Variants in PSD4 observed in about 807,000 individuals in gnomAD.
PSD4 encodes PH and SEC7 domain-containing protein 4.
In PSD4, 59 loss-of-function variants were observed where a neutral mutation model predicts 112.5. That is an observed-to-expected ratio of 0.52 (90% CI 0.43 to 0.65). The LOEUF is 0.65. PSD4 is among the 30% of genes least tolerant of loss of function. PSD4 has a pLI of 0.00. For missense variants in PSD4, 1,267 were observed against 1,352.6 expected (o/e 0.94, Z 0.99); for synonymous variants, 533 against 540.0 (o/e 0.99, Z 0.18).
chr2:113,207,454 CTTTTTTTTTT>C lies in PSD4; in HGVS notation c.*6050_*6059del, dbSNP rs397985506. On this transcript the variant is annotated 3_prime_UTR_variant, in exon 17 of 17. Transcript: ENST00000245796. ...TAACTCTCCTCTCCTCTCTCCTCTTCTTTTTTTTTTTTTTTTTTTTGAGATGGAGTCTTGC... is the reference window on the plus strand; with the variant it reads ...TAACTCTCCTCTCCTCTCTCCTCTTCTTTTTTTTTTGAGATGGAGTCTTGC... 2 of 95,514 alleles carry C rather than the reference CTTTTTTTTTT, an allele frequency of 2.1e-5. No homozygotes were observed. Among genetic ancestry groups the C allele is most frequent in the Admixed American group, 2.9e-4 (2 of 6,804 alleles). The allele number at this position is 95,514 out of a possible 1,614,324, so 5.9% of individuals were successfully genotyped here.
At chr2:113,197,497 G>C (rs902695) in intron 12 of PSD4, 67 bp from the exon 13 acceptor site, 4 of 1,566,622 alleles carry the variant, frequency 2.6e-6, no homozygotes, top group Non-Finnish European at 3.5e-6. Flanking sequence ...GCACACTTGC[G>C]TGTGTCTGAG....
rs746463673 is a variant in PSD4 at position 113,182,618 on chromosome 2, C to A, written c.162C>A (p.Asp54Glu). Residue 54 changes from aspartate to glutamate, a missense_variant, in exon 2 of 17, where the codon GAC becomes GAA. By Grantham distance (45) the Asp-to-Glu change is conservative. Transcript: ENST00000245796. ...EPFEEQTWAT[D>E]PPEPTRQNVP... The stretch of plus-strand genomic sequence containing the variant: ...TCGAGGAGCAAACCTGGGCCACTGA[C>A]CCTCCTGAACCTACCAGACAAAATG... 6.2e-7 allele frequency: 1 copy of A among 1,613,982 alleles called. No individual in the cohort carries two copies. The highest frequency in any genetic ancestry group is 1.1e-5 in the South Asian group (1 of 91,054).
At position 113,186,046 on chromosome 2, in the gene PSD4, A is replaced by C; in HGVS notation, c.1419A>C (p.Gln473His). Residue 473 changes from glutamine (Q) to histidine (H), a missense_variant, in exon 5 of 17, where the codon CAA (glutamine) becomes CAC (histidine). Physicochemically the swap from Gln to His is conservative, Grantham distance 24. Around this residue, in one of 2 missense-constraint regions of PSD4, gnomAD observed 723 missense variants for 704.0 expected, o/e 1.03. Transcript: ENST00000245796. Reference sequence around the variant, plus strand: ...CCCAGGAGGGCAGCCCGCAGCTTCAACACCACAGCTCAGGCATTTTGCCCA... The same window carrying C: ...CCCAGGAGGGCAGCCCGCAGCTTCACCACCACAGCTCAGGCATTTTGCCCA... ...ASSQEGSPQL[Q>H]HHSSGILPKW... The C allele has an allele frequency of 6.2e-7, 1 of 1,614,244 alleles. No homozygotes were observed. Among genetic ancestry groups the C allele is most frequent in the South Asian group, 1.1e-5 (1 of 91,090 alleles).
In PSD4 at chr2:113,183,455, C is replaced by T; in HGVS notation, c.999C>T (p.Ala333=). ...PIYKPHSICW[A]SVAAAEGAPA... ...ATAAACCACACTCCATCTGCTGGGC[C>T]TCAGTGGCTGCCGCTGAGGGGGCTC... The change falls in exon 2 of 17, where the codon GCC becomes GCT. Residue 333 remains alanine (A), a synonymous_variant. Coordinates refer to ENST00000245796, the MANE Select transcript of PSD4 (RefSeq NM_012455.3). The T allele has an allele frequency of 1.9e-6, 3 of 1,591,116 alleles. No individual in the cohort carries two copies. The highest frequency in any genetic ancestry group is 4.5e-5 in the East Asian group (2 of 44,760).
Position 113,203,274 on chromosome 2 carries a change from G to T in PSD4, c.*1859G>T, listed in dbSNP as rs1421367801. On this transcript the variant is annotated 3_prime_UTR_variant, in exon 17 of 17. Coordinates refer to ENST00000245796, the MANE Select transcript of PSD4 (RefSeq NM_012455.3). ...GGTTTCCTGCTCTCAGTTTACAGAG[G>T]CACTTTTATCTTGCTGGGGAAGTGT... The T allele has an allele frequency of 6.6e-6, 1 of 152,208 alleles. No individual in the cohort carries two copies. Among genetic ancestry groups the T allele is most frequent in the Non-Finnish European group, 1.5e-5 (1 of 68,032 alleles). The allele number at this position is 152,208 out of a possible 1,614,324, so 9.4% of individuals were successfully genotyped here.
At chr2:113,175,723 T>C (rs1687956641) in intron 1 of PSD4, among the ~76,000 whole-genome samples, 1 of 152,198 alleles carries the variant, frequency 6.6e-6, no homozygotes, top group African/African-American at 2.4e-5. Context: ...ACCCTCCGGA[T>C]GAAGGTTCAG....
intron 5 of PSD4, among the ~76,000 whole-genome samples, chr2:113,188,325 C>A (rs12614146): frequency 0.019 from 2,826 of 151,924 alleles, 92 homozygotes; most frequent in African/African-American, 0.064. Context: ...CTCACTGCAA[C>A]CTCTGCCTCC....
At chr2:113,193,702 C>A (rs776861195) in intron 9 of PSD4, 52 bp downstream of exon 9, 2 of 1,584,416 alleles carry the variant, frequency 1.3e-6, no homozygotes, top group Non-Finnish European at 1.7e-6. Context: ...ACAAGGGGTG[C>A]GGGGAGGAGA....
chr2:113,197,502 T>C (rs1688644747), intron 12 of PSD4, 62 bp from the exon 13 acceptor site: 2 of 1,585,736 alleles, frequency 1.3e-6, no homozygotes, highest in Admixed American at 1.7e-5. Flanking sequence ...CTTGCGTGTG[T>C]CTGAGTGTGT....
intron 15 of PSD4, 46 bp downstream of exon 15, chr2:113,198,930 G>A: frequency 6.5e-7 from 1 of 1,540,194 alleles, no homozygotes; most frequent in Non-Finnish European, 8.7e-7. Context: ...CTGGGAATGT[G>A]CACCTGGAGC....
intron 1 of PSD4, among the ~76,000 whole-genome samples, chr2:113,178,133 G>A (rs1417540922): frequency 4.6e-5 from 7 of 152,084 alleles, no homozygotes; most frequent in Non-Finnish European, 8.8e-5. Context: ...CAGGAGAATC[G>A]CTTGAACCTG....
chr2:113,182,512 T>C lies in PSD4; in HGVS notation c.56T>C (p.Leu19Pro). The C allele has an allele frequency of 6.2e-7, 1 of 1,614,122 alleles. No homozygotes were observed. Residue 19 changes from leucine (L) to proline (P), a missense_variant, in exon 2 of 17, where the codon CTG becomes CCG. Transcript: ENST00000245796. ...DHPQPMEILN[L>P]YLGDSLEPHP... ...CCCCAGCCCATGGAAATTCTCAACC[T>C]GTACTTGGGAGACAGCCTGGAGCCC...
intron 5 of PSD4, among the ~76,000 whole-genome samples, chr2:113,191,060 C>T (rs1688430050): frequency 6.6e-6 from 1 of 152,178 alleles, no homozygotes; most frequent in African/African-American, 2.4e-5. Context: ...TCTCTGGCTA[C>T]CAAGCCTCTG....
intron 5 of PSD4, among the ~76,000 whole-genome samples, chr2:113,191,927 A>C (rs1688449854): frequency 6.6e-6 from 1 of 152,144 alleles, no homozygotes; most frequent in Non-Finnish European, 1.5e-5. Context: ...TCCTGTTCTC[A>C]GCTCATCCTT....
chr2:113,201,510 C>T lies in PSD4; in HGVS notation c.*95C>T, dbSNP rs188655302. ...ACTTATTTCAATGAGTCCACCATGA[C>T]GGATGAGGCACCTCCTTTCCCTGCT... On this transcript the variant is annotated 3_prime_UTR_variant, in exon 17 of 17. Transcript: ENST00000245796. 3.3e-3 allele frequency: 4,883 copies of T among 1,483,686 alleles called. 13 individuals are homozygous for T. The highest frequency in any genetic ancestry group is 5.6e-3 in the Admixed American group (300 of 53,558). 91.9% of individuals were successfully genotyped at this position (1,483,686 alleles called of 1,614,324 possible).
chr2:113,188,464 G>A (rs1573363755), intron 5 of PSD4, among the ~76,000 whole-genome samples: 1 of 152,044 alleles, frequency 6.6e-6, no homozygotes, highest in Non-Finnish European at 1.5e-5. Context: ...GGCTGGTCTC[G>A]AACTCTTGAT....
At chr2:113,197,248 G>A in intron 12 of PSD4, 1 of 414,766 alleles carries the variant, frequency 2.4e-6, no homozygotes, top group Non-Finnish European at 4.6e-6. Context: ...GTGCCTGGGT[G>A]TTTGCCACTA....
At position 113,208,045 on chromosome 2, in the gene PSD4, A is replaced by G. The variant is rs113179516; in HGVS notation, c.*6630A>G. 0.015 allele frequency: 2,205 copies of G among 151,882 alleles called. 25 individuals carry two copies. Among genetic ancestry groups the G allele is most frequent in the Middle Eastern group, 0.031 (9 of 294 alleles). 9.4% of individuals were successfully genotyped at this position (151,882 alleles called of 1,614,324 possible). A position where few individuals can be genotyped will look rare whatever the true frequency, so the allele number is the denominator to read the frequency against. On this transcript the variant is annotated 3_prime_UTR_variant, in exon 17 of 17. Coordinates refer to ENST00000245796, the MANE Select transcript of PSD4 (RefSeq NM_012455.3). ...TGGGATTACAGGCATGCACCACCAC[A>G]CCCAGCTAATCTTTGTATTTTCAGT...
chr2:113,190,388 T>C (rs1688412739), intron 5 of PSD4, among the ~76,000 whole-genome samples: 2 of 152,238 alleles, frequency 1.3e-5, no homozygotes, highest in Admixed American at 1.3e-4. Context: ...TTGTACACTT[T>C]AAATGAGTGA....
Sources: allele counts gnomAD v4.1 joint callset (sites outside exome capture counted in the v4.1 genomes callset), GRCh38; gene constraint gnomAD v4.1.1; regional missense constraint gnomAD v4.1.1; transcripts MANE v1.5; gene names NCBI Gene and HGNC (gene_info 2026-07-23, HGNC 2026-07-21).